Variants in SYT16 observed in about 807,000 individuals in gnomAD.
The protein encoded by SYT16 is synaptotagmin 16, also known as synaptotagmin-16.
Under a neutral mutation model 61.4 loss-of-function variants are expected in SYT16, and 42 were observed. That is an observed-to-expected ratio of 0.68 (90% confidence interval 0.53 to 0.89). The LOEUF (loss-of-function observed/expected upper bound fraction) is 0.89, where lower values mean the gene tolerates loss of function less well. SYT16 is among the 40% of genes least tolerant of loss of function. The pLI is 0.00. For missense variants in SYT16, 804 were observed against 807.3 expected (o/e 1.00, Z 0.05); for synonymous variants, 314 against 302.3 (o/e 1.04, Z -0.40).
At position 61,891,547 on chromosome 14, in the gene SYT16, G is replaced by A. The variant is rs577675530; in HGVS notation, c.-324-78585G>A. 5.8e-4 allele frequency among the ~76,000 whole-genome samples: 89 copies of A among 152,332 alleles called. 1 individual carries two copies. The highest frequency in any genetic ancestry group is 1.1e-3 in the Non-Finnish European group (77 of 68,022). On this transcript the variant is annotated intron_variant, in intron 1 of 7. Transcript: ENST00000683842. ...CTGCAGCACTGAGAGGACAAGTAGG[G>A]CTGGAGGGACCAACAGCTGGGACCC...
intron 2 of SYT16, among the ~76,000 whole-genome samples, chr14:61,978,918 A>G (rs551172001): frequency 3.3e-5 from 5 of 152,342 alleles, no homozygotes; most frequent in South Asian, 4.1e-4. Flanking sequence ...ATTCCATAAG[A>G]TTATTCAAGA....
intron 1 of SYT16, among the ~76,000 whole-genome samples, chr14:61,926,964 T>G (rs1212112876): frequency 6.6e-6 from 1 of 152,214 alleles, no homozygotes; most frequent in South Asian, 2.1e-4. Context: ...TGAAATAGAC[T>G]AATTAGTAAT....
At chr14:62,093,142 T>C (rs1324027940) in intron 7 of SYT16, among the ~76,000 whole-genome samples, 1 of 152,070 alleles carries the variant, frequency 6.6e-6, no homozygotes, top group Non-Finnish European at 1.5e-5. Flanking sequence ...AAAAATTAAG[T>C]CTATTTAAAA....
chr14:61,889,821 G>A (rs984443812), intron 1 of SYT16, among the ~76,000 whole-genome samples: 5 of 151,804 alleles, frequency 3.3e-5, no homozygotes, highest in African/African-American at 9.7e-5. Context: ...AAATTACCCA[G>A]CCTCAGCATT....
At chr14:61,951,157 A>C (rs368995551) in intron 1 of SYT16, among the ~76,000 whole-genome samples, 2 of 152,350 alleles carry the variant, frequency 1.3e-5, no homozygotes, top group East Asian at 3.9e-4. Flanking sequence ...ACAAATTCTT[A>C]GTAACAGGGT....
At chr14:61,952,206 G>A (rs1350620289) in intron 1 of SYT16, among the ~76,000 whole-genome samples, 1 of 151,554 alleles carries the variant, frequency 6.6e-6, no homozygotes, top group Non-Finnish European at 1.5e-5. Context: ...AGCAACATAA[G>A]CATGCCATTG....
intron 6 of SYT16, among the ~76,000 whole-genome samples, chr14:62,082,339 A>T (rs2056738685): frequency 6.6e-6 from 1 of 152,086 alleles, no homozygotes; most frequent in Non-Finnish European, 1.5e-5. Context: ...TGAAATCCTG[A>T]TTTTTGCCTC....
intron 3 of SYT16, among the ~76,000 whole-genome samples, chr14:62,040,882 T>C (rs903082927): frequency 1.3e-5 from 2 of 152,116 alleles, no homozygotes; most frequent in African/African-American, 2.4e-5. Context: ...TGAACTGATA[T>C]TGGTACCTTA....
intron 7 of SYT16, 76 bp downstream of exon 7, chr14:62,084,461 T>A: frequency 6.8e-7 from 1 of 1,462,340 alleles, no homozygotes; most frequent in Non-Finnish European, 9.1e-7. Flanking sequence ...TCATCTTAGT[T>A]CTTTAATTTT....
intron 1 of SYT16, among the ~76,000 whole-genome samples, chr14:61,824,974 T>C (rs1320919508): frequency 2.0e-5 from 3 of 152,184 alleles, no homozygotes; most frequent in Non-Finnish European, 4.4e-5. Flanking sequence ...TAATTTTGAA[T>C]ATGGGAAATA....
rs1308276829 is a variant in SYT16, at chr14:62,106,626, A to G, written c.*5919A>G. 6.6e-6 allele frequency: 1 copy of G among 152,152 alleles called. No homozygotes were observed. The highest frequency in any genetic ancestry group is 1.5e-5 in the Non-Finnish European group (1 of 68,020). 9.4% of individuals were successfully genotyped at this position (152,152 alleles called of 1,614,324 possible). A position where few individuals can be genotyped will look rare whatever the true frequency, so the allele number is the denominator to read the frequency against. The stretch of plus-strand genomic sequence containing the variant: ...CTTCCACTTTGGACATTTTTTCCAC[A>G]TTGATTTTTCTCTGCATCATAGAAA... On this transcript the variant is annotated 3_prime_UTR_variant, in exon 8 of 8. Coordinates refer to ENST00000683842, the MANE Select transcript of SYT16 (RefSeq NM_001367656.1).
intron 3 of SYT16, among the ~76,000 whole-genome samples, chr14:62,045,009 G>A (rs913228748): frequency 4.6e-5 from 7 of 152,102 alleles, no homozygotes; most frequent in Non-Finnish European, 8.8e-5. Flanking sequence ...GTGGTGGCAC[G>A]CACCTGTAAT....
intron 7 of SYT16, among the ~76,000 whole-genome samples, chr14:62,090,216 G>T (rs1488414363): frequency 6.6e-6 from 1 of 152,152 alleles, no homozygotes; most frequent in Non-Finnish European, 1.5e-5. Flanking sequence ...AGATATAATG[G>T]TCATTGTCAA....
At chr14:61,972,233 A>T (rs2051592547) in intron 2 of SYT16, among the ~76,000 whole-genome samples, 2 of 152,238 alleles carry the variant, frequency 1.3e-5, no homozygotes, top group African/African-American at 4.8e-5. Context: ...TTCATTACTT[A>T]AATTGGGAGA....
chr14:62,084,917 G>C (rs1288191586), intron 7 of SYT16, among the ~76,000 whole-genome samples: 1 of 152,222 alleles, frequency 6.6e-6, no homozygotes, highest in Non-Finnish European at 1.5e-5. Flanking sequence ...AAAGCATTTA[G>C]TACCATGCCT....
chr14:61,825,344 A>T (rs1027048284), intron 1 of SYT16, among the ~76,000 whole-genome samples: 1 of 152,228 alleles, frequency 6.6e-6, no homozygotes, highest in Non-Finnish European at 1.5e-5. Flanking sequence ...TTTAAGTGAA[A>T]CAACATATAA....
chr14:61,864,292 C>G (rs890857884), intron 1 of SYT16, among the ~76,000 whole-genome samples: 1 of 152,242 alleles, frequency 6.6e-6, no homozygotes, highest in African/African-American at 2.4e-5. Context: ...AAGCTGGCAG[C>G]GGCCCTTTTG....
At chr14:61,900,430 T>A (rs1485777472) in intron 1 of SYT16, among the ~76,000 whole-genome samples, 2 of 152,192 alleles carry the variant, frequency 1.3e-5, no homozygotes, top group Non-Finnish European at 2.9e-5. Context: ...AATGTTGGGA[T>A]TACAGGTGTG....
intron 1 of SYT16, among the ~76,000 whole-genome samples, chr14:61,899,389 GT>G (rs1417871271): frequency 6.6e-6 from 1 of 152,134 alleles, no homozygotes; most frequent in Non-Finnish European, 1.5e-5. Flanking sequence ...ACCTTTTTGG[GT>G]CTGTTTTCAT....
Sources: gnomAD v4.1 joint callset for allele counts (sites outside exome capture counted in the v4.1 genomes callset) on GRCh38, gnomAD v4.1.1 for gene constraint, MANE v1.5 for transcripts, NCBI Gene and HGNC (gene_info 2026-07-23, HGNC 2026-07-21) for gene names.